DTD1: variants seen among roughly 807,000 people sequenced by gnomAD.
DTD1 encodes the protein D-aminoacyl-tRNA deacylase 1.
DTD1 carries 13 observed loss-of-function variants against 25.6 expected under a neutral mutation model. The observed-to-expected ratio is 0.51, with a 90% confidence interval of 0.33 to 0.81. The LOEUF is 0.81. DTD1 is among the 30% of genes least tolerant of loss of function. The pLI is 0.02. For synonymous variants in DTD1, 110 were observed against 103.6 expected, an observed-to-expected ratio of 1.06 and a Z score of -0.37; for missense variants, 193 against 266.4, an observed-to-expected ratio of 0.72 and a Z score of 1.92.
At chr20:18,612,690 ACT>A (rs2060692338) in intron 3 of DTD1, among the ~76,000 whole-genome samples, 1 of 149,326 alleles carries the variant, frequency 6.7e-6, no homozygotes, top group Non-Finnish European at 1.5e-5. Flanking sequence ...ACAGAGTCTC[ACT>A]CTGTCGCCCA....
intron 2 of DTD1, among the ~76,000 whole-genome samples, chr20:18,595,592 C>G (rs2060607760): frequency 6.6e-6 from 1 of 152,070 alleles, no homozygotes; most frequent in Non-Finnish European, 1.5e-5. Flanking sequence ...TTGAGTAGCT[C>G]CAAGAAGGGG....
chr20:18,619,456 A>G (rs921292858), intron 3 of DTD1, among the ~76,000 whole-genome samples: 1 of 151,400 alleles, frequency 6.6e-6, no homozygotes, highest in Non-Finnish European at 1.5e-5. Context: ...ACGGAGTGTC[A>G]CTCTGTTGTC....
At chr20:18,743,974 T>G in intron 4 of DTD1, 126 bp from the exon 5 acceptor site, 2 of 965,390 alleles carry the variant, frequency 2.1e-6, no homozygotes, top group Non-Finnish European at 3.0e-6. Context: ...TCTGAACCAC[T>G]GTGCTCTGCC....
At chr20:18,740,308 TG>T (rs1174747671) in intron 4 of DTD1, among the ~76,000 whole-genome samples, 15 of 152,254 alleles carry the variant, frequency 9.9e-5, no homozygotes, top group Admixed American at 6.5e-4. Context: ...ATTCACATTT[TG>T]TTTTTTTTTT....
chr20:18,595,304 T>C (rs2060605999), intron 2 of DTD1, among the ~76,000 whole-genome samples: 1 of 152,148 alleles, frequency 6.6e-6, no homozygotes, highest in Non-Finnish European at 1.5e-5. Flanking sequence ...TCTCCCTCTG[T>C]CACCCAGGCT....
chr20:18,643,222 C>T (rs151063286), intron 4 of DTD1: 1 of 287,228 alleles, frequency 3.5e-6, no homozygotes, highest in Non-Finnish European at 7.1e-6. Flanking sequence ...GCCTGGAGCA[C>T]CAATTTATTT....
intron 3 of DTD1, among the ~76,000 whole-genome samples, chr20:18,603,036 T>C (rs879959649): frequency 7.5e-5 from 7 of 93,340 alleles, no homozygotes; most frequent in African/African-American, 1.1e-4. Context: ...ACCCATCTCA[T>C]GTGCAGAGAC....
chr20:18,618,244 T>A (rs748911480), intron 3 of DTD1, among the ~76,000 whole-genome samples: 3 of 152,194 alleles, frequency 2.0e-5, no homozygotes, highest in Non-Finnish European at 4.4e-5. Context: ...AGATATCCCA[T>A]TGTAGTTTTA....
intron 4 of DTD1, among the ~76,000 whole-genome samples, chr20:18,670,328 C>T (rs758314242): frequency 2.6e-5 from 4 of 152,118 alleles, no homozygotes; most frequent in South Asian, 4.1e-4. Flanking sequence ...TGGTAGTGCA[C>T]GCCTGTAATC....
At chr20:18,715,075 G>A (rs1341899606) in intron 4 of DTD1, among the ~76,000 whole-genome samples, 1 of 152,124 alleles carries the variant, frequency 6.6e-6, no homozygotes, top group Admixed American at 6.5e-5. Context: ...TGGACACCAG[G>A]CTGGGCCAGC....
chr20:18,720,566 G>T (rs974226269), intron 4 of DTD1, among the ~76,000 whole-genome samples: 11 of 152,236 alleles, frequency 7.2e-5, no homozygotes, highest in African/African-American at 2.4e-4. Flanking sequence ...AACTTTAAAA[G>T]TTTTTTGGCC....
At chr20:18,745,505 G>A (rs2061296564) in intron 5 of DTD1, among the ~76,000 whole-genome samples, 1 of 152,226 alleles carries the variant, frequency 6.6e-6, no homozygotes, top group African/African-American at 2.4e-5. Flanking sequence ...GGTGTGGGGT[G>A]GAGATGGGAG....
chr20:18,684,529 C>T (rs2067772221), intron 4 of DTD1, among the ~76,000 whole-genome samples: 1 of 152,114 alleles, frequency 6.6e-6, no homozygotes, highest in African/African-American at 2.4e-5. Context: ...TCAAGTTTTC[C>T]ACCAGCGTAG....
chr20:18,718,251 A>G (rs2061189298), intron 4 of DTD1, among the ~76,000 whole-genome samples: 1 of 152,206 alleles, frequency 6.6e-6, no homozygotes, highest in Admixed American at 6.5e-5. Flanking sequence ...TTAATTAGTT[A>G]AGTTAGTTGG....
intron 5 of DTD1, among the ~76,000 whole-genome samples, chr20:18,746,190 T>C (rs1320164401): frequency 6.6e-6 from 1 of 152,124 alleles, no homozygotes; most frequent in Admixed American, 6.5e-5. Context: ...GCTTTAGAGC[T>C]GGGGAGCCAG....
intron 4 of DTD1, among the ~76,000 whole-genome samples, chr20:18,734,542 A>G (rs1021312417): frequency 8.5e-5 from 13 of 152,246 alleles, no homozygotes; most frequent in African/African-American, 2.9e-4. Context: ...AGTGGTGGAA[A>G]GTTGCCTTCC....
chr20:18,640,922 C>T (rs1386461194), intron 4 of DTD1, among the ~76,000 whole-genome samples: 1 of 152,164 alleles, frequency 6.6e-6, no homozygotes, highest in Non-Finnish European at 1.5e-5. Flanking sequence ...TGAGCCACTG[C>T]TCCCAGCCTA....
intron 4 of DTD1, among the ~76,000 whole-genome samples, chr20:18,743,265 C>T (rs543343970): frequency 2.0e-5 from 3 of 152,322 alleles, no homozygotes; most frequent in African/African-American, 4.8e-5. Context: ...GTTGCCACCA[C>T]GCAGCCTGCA....
intron 4 of DTD1, among the ~76,000 whole-genome samples, chr20:18,629,456 A>G (rs1292397175): frequency 1.3e-5 from 2 of 151,766 alleles, no homozygotes; most frequent in African/African-American, 2.4e-5. Flanking sequence ...ATACGCTACC[A>G]TGCTGGGCTA....
Sources: gnomAD v4.1 joint callset for allele counts (sites outside exome capture counted in the v4.1 genomes callset) on GRCh38, gnomAD v4.1.1 for gene constraint, MANE v1.5 for transcripts, NCBI Gene and HGNC (gene_info 2026-07-23, HGNC 2026-07-21) for gene names.